Variants in GALNT9 observed in about 807,000 individuals in gnomAD.
The protein encoded by GALNT9 is GalNAc transferase 9.
In GALNT9, 47 loss-of-function variants were observed where a neutral mutation model predicts 63.1. That is an observed-to-expected ratio of 0.75 (90% CI 0.59 to 0.95). GALNT9 has a LOEUF of 0.95. GALNT9 is among the 40% of genes least tolerant of loss of function. The pLI is 0.00. For missense variants in GALNT9, 829 were observed against 874.8 expected (o/e 0.95, Z 0.66); for synonymous variants, 396 against 365.7 (o/e 1.08, Z -0.94).
chr12:132,324,513 G>C (rs1868949314), intron 1 of GALNT9, among the ~76,000 whole-genome samples: 1 of 152,228 alleles, frequency 6.6e-6, no homozygotes, highest in Non-Finnish European at 1.5e-5. Context: ...GGCTATGGAT[G>C]GGACTAAGGC....
In GALNT9 at chr12:132,329,036, C is replaced by A; in HGVS notation, c.168G>T (p.Thr56=). The change falls in exon 1 of 11, where the codon ACG becomes ACT. Residue 56 remains threonine, a synonymous_variant. Coordinates refer to ENST00000328957, the MANE Select transcript of GALNT9 (RefSeq NM_001122636.2). ...RVRSRHAKVG[T]LGDREAILQR... ...GCAGGATGGCCTCACGGTCCCCCAG[C>A]GTGCCCACCTTGGCGTGTCGGCTGC... The A allele has an allele frequency of 6.5e-7, 1 of 1,545,626 alleles. No homozygotes were observed. Among genetic ancestry groups the A allele is most frequent in the Non-Finnish European group, 8.7e-7 (1 of 1,146,106 alleles).
intron 2 of GALNT9, chr12:132,277,507 T>C (rs2135555070): frequency 6.5e-6 from 1 of 154,702 alleles, no homozygotes; most frequent in South Asian, 2.0e-4. Context: ...GCAGACCTGC[T>C]GGGGGGTTCT....
chr12:132,207,949 T>G (rs1217378899), intron 6 of GALNT9, among the ~76,000 whole-genome samples: 4 of 152,074 alleles, frequency 2.6e-5, no homozygotes, highest in Non-Finnish European at 5.9e-5. Flanking sequence ...AGCACTGGTG[T>G]GTGGCGTCCC....
At chr12:132,294,177 C>A (rs1173542905) in intron 1 of GALNT9, among the ~76,000 whole-genome samples, 1 of 152,186 alleles carries the variant, frequency 6.6e-6, no homozygotes, top group Non-Finnish European at 1.5e-5. Context: ...CCTGGGGCAC[C>A]AGGTCTTCAC....
chr12:132,294,986 G>T (rs903915497), intron 1 of GALNT9, among the ~76,000 whole-genome samples: 2 of 152,238 alleles, frequency 1.3e-5, no homozygotes. Context: ...AAGGACAAAC[G>T]ATGAAGAAAC....
At chr12:132,305,984 AC>A (rs1275687574) in intron 1 of GALNT9, among the ~76,000 whole-genome samples, 4 of 151,836 alleles carry the variant, frequency 2.6e-5, no homozygotes, top group African/African-American at 7.3e-5. Flanking sequence ...CGGGGGGCTC[AC>A]GGCGGGGCCC....
intron 2 of GALNT9, among the ~76,000 whole-genome samples, chr12:132,267,918 C>G (rs28699111): frequency 4.0e-5 from 6 of 150,062 alleles, no homozygotes; most frequent in Admixed American, 6.6e-5. Context: ...TCCACATGCA[C>G]TCACACACAT....
At chr12:132,197,466 C>T (rs867348852) in intron 10 of GALNT9, among the ~76,000 whole-genome samples, 10 of 148,884 alleles carry the variant, frequency 6.7e-5, no homozygotes, top group Middle Eastern at 3.4e-3. Context: ...GCAGGGCTAG[C>T]GGCCCAGGTT....
At chr12:132,267,741 A>C (rs542501054) in intron 2 of GALNT9, among the ~76,000 whole-genome samples, 3 of 139,114 alleles carry the variant, frequency 2.2e-5, no homozygotes, top group Admixed American at 1.4e-4. Flanking sequence ...GGGGAAATAC[A>C]CAAGCACACA....
intron 1 of GALNT9, among the ~76,000 whole-genome samples, chr12:132,323,702 G>A (rs915366719): frequency 6.6e-6 from 1 of 152,268 alleles, no homozygotes; most frequent in African/African-American, 2.4e-5. Flanking sequence ...CAGTAGCCAC[G>A]AACCAGCCTC....
chr12:132,211,073 G>A (rs28552818), intron 6 of GALNT9, among the ~76,000 whole-genome samples: 5,269 of 152,186 alleles, frequency 0.035, 284 homozygotes, highest in African/African-American at 0.12. Flanking sequence ...CCACCACAAC[G>A]CCTGGCTGCA....
At chr12:132,215,592 T>C (rs373943230) in intron 6 of GALNT9, among the ~76,000 whole-genome samples, 22 of 152,258 alleles carry the variant, frequency 1.4e-4, no homozygotes, top group African/African-American at 5.1e-4. Flanking sequence ...AGGGTCCACT[T>C]GATCCTGCTT....
chr12:132,295,905 AGAGCCTC>A (rs1555243178), intron 1 of GALNT9, among the ~76,000 whole-genome samples: 113 of 143,946 alleles, frequency 7.9e-4, no homozygotes, highest in South Asian at 4.3e-3. Context: ...CCGAACAGGG[AGAGCCTC>A]CGAACAGGGA....
At chr12:132,198,004 T>G in intron 9 of GALNT9, 45 bp from the exon 10 acceptor site, 1 of 1,527,130 alleles carries the variant, frequency 6.5e-7, no homozygotes, top group South Asian at 1.2e-5. Context: ...GCGCCCAGGC[T>G]CTCCCCAGTG....
At chr12:132,271,968 C>T (rs1879882824) in intron 2 of GALNT9, among the ~76,000 whole-genome samples, 1 of 152,182 alleles carries the variant, frequency 6.6e-6, no homozygotes, top group Admixed American at 6.5e-5. Flanking sequence ...CTTGGGGACA[C>T]GTTTGCCAAC....
intron 6 of GALNT9, among the ~76,000 whole-genome samples, chr12:132,225,504 A>G: frequency 6.9e-6 from 1 of 144,614 alleles, no homozygotes; most frequent in Non-Finnish European, 1.5e-5. Context: ...CACACAATCC[A>G]CACTCCACAC....
chr12:132,266,217 C>A (rs1366023900), intron 2 of GALNT9, among the ~76,000 whole-genome samples: 4 of 152,204 alleles, frequency 2.6e-5, no homozygotes, highest in Non-Finnish European at 5.9e-5. Flanking sequence ...TGCCTTTACA[C>A]GCCTGACCTC....
intron 6 of GALNT9, chr12:132,247,553 C>T: frequency 2.0e-6 from 1 of 489,812 alleles, no homozygotes; most frequent in South Asian, 1.5e-5. Flanking sequence ...AGCCCTGGAC[C>T]TCACCCTGTC....
At chr12:132,271,184 C>T (rs150388567) in intron 2 of GALNT9, among the ~76,000 whole-genome samples, 1 of 152,124 alleles carries the variant, frequency 6.6e-6, no homozygotes, top group African/African-American at 2.4e-5. Context: ...CTCAGCAGGG[C>T]GGTCACACGT....
Sources: allele counts gnomAD v4.1 joint callset (sites outside exome capture counted in the v4.1 genomes callset), GRCh38; gene constraint gnomAD v4.1.1; transcripts MANE v1.5; gene names NCBI Gene and HGNC (gene_info 2026-07-23, HGNC 2026-07-21).